The following PBRM1 variants were observed in gnomAD, a reference collection of about 807,000 sequenced individuals.
The protein encoded by PBRM1 is polybromo 1, also known as protein polybromo-1.
A neutral mutation model predicts 194.5 loss-of-function variants in PBRM1; 27 were observed. That is an observed-to-expected ratio of 0.14 (90% CI 0.10 to 0.19). PBRM1 has a LOEUF of 0.19. Among genes scored for constraint, PBRM1 ranks in the 10% least tolerant of loss-of-function variants. The pLI is 1.00. For missense variants in PBRM1, 1,466 were observed against 2,077.2 expected (o/e 0.71, Z 5.72); for synonymous variants, 655 against 693.2 (o/e 0.94, Z 0.87).
At chr3:52,549,472 T>C (rs1259154457) in intron 29 of PBRM1, among the ~76,000 whole-genome samples, 1 of 151,978 alleles carries the variant, frequency 6.6e-6, no homozygotes, top group Non-Finnish European at 1.5e-5. Context: ...ATTTACCCAA[T>C]GCATCTATAC....
At chr3:52,615,549 T>C in intron 14 of PBRM1, 93 bp from the exon 17 acceptor site, 1 of 780,338 alleles carries the variant, frequency 1.3e-6, no homozygotes, top group Non-Finnish European at 2.1e-6. Flanking sequence ...AGACAGTTTA[T>C]GATAGTTGGG....
intron 2 of PBRM1, among the ~76,000 whole-genome samples, chr3:52,678,081 A>G (rs952281532): frequency 3.9e-5 from 6 of 152,144 alleles, no homozygotes; most frequent in Non-Finnish European, 7.4e-5. Flanking sequence ...TATGTTGCCC[A>G]GGCTGGTCTC....
chr3:52,613,331 T>C (rs541343001), intron 15 of PBRM1, among the ~76,000 whole-genome samples: 4 of 147,538 alleles, frequency 2.7e-5, no homozygotes, highest in African/African-American at 1.0e-4. Flanking sequence ...TTCACTGGAC[T>C]ATTCTGTTTT....
At chr3:52,550,700 T>A in intron 28 of PBRM1, 47 bp downstream of exon 30, 1 of 1,582,518 alleles carries the variant, frequency 6.3e-7, no homozygotes, top group Non-Finnish European at 8.7e-7. Context: ...CTGAGAAGGA[T>A]AACTCGAATT....
rs554878908 is a variant in PBRM1, at chr3:52,597,119, T to C, written c.2779+6402A>G. Among the ~76,000 whole-genome samples, 5 of 152,304 alleles carry C rather than the reference T, an allele frequency of 3.3e-5. No individual in the cohort carries two copies. In the East Asian group the frequency reaches 5.8e-4, roughly 18 times the overall value. Reference sequence around the variant, plus strand: ...TGCAAATCCCTCAATCACTGTGCTCTAACTCCCGCAAGCACAAAGATTCTC... The same window carrying C: ...TGCAAATCCCTCAATCACTGTGCTCCAACTCCCGCAAGCACAAAGATTCTC... On this transcript the variant is annotated intron_variant, in intron 17 of 29. Coordinates refer to ENST00000296302, the Ensembl canonical transcript of PBRM1.
intron 5 of PBRM1, among the ~76,000 whole-genome samples, 162 bp downstream of exon 6, chr3:52,658,037 C>T (rs1346306694): frequency 6.6e-6 from 1 of 152,038 alleles, no homozygotes; most frequent in African/African-American, 2.4e-5. Flanking sequence ...AGATGATCCA[C>T]CTGCCTCGGC....
chr3:52,662,245 T>G (rs2153928215), exon 4 of PBRM1: 1 of 1,613,692 alleles, frequency 6.2e-7, no homozygotes, highest in East Asian at 2.2e-5. Context: ...ATCCCAGAGT[T>G]TGCAAGCGGC....
At chr3:52,600,040 T>C (rs1255449662) in intron 17 of PBRM1, among the ~76,000 whole-genome samples, 3 of 152,184 alleles carry the variant, frequency 2.0e-5, no homozygotes, top group Admixed American at 1.3e-4. Context: ...TTCATTGATA[T>C]ATAATATAAA....
chr3:52,553,889 T>C (rs1224243595), intron 27 of PBRM1, among the ~76,000 whole-genome samples: 1 of 152,116 alleles, frequency 6.6e-6, no homozygotes, highest in East Asian at 1.9e-4. Flanking sequence ...CTCGAACTCC[T>C]GACCTCAAGT....
At chr3:52,578,066 C>T (rs2090146397) in intron 21 of PBRM1, among the ~76,000 whole-genome samples, 2 of 152,128 alleles carry the variant, frequency 1.3e-5, no homozygotes, top group Non-Finnish European at 2.9e-5. Context: ...CTGGCTGTTC[C>T]CACTGCCTGG....
Position 52,642,075 on chromosome 3 carries a change from G to A in PBRM1, c.996-30C>T, listed in dbSNP as rs748370819. 5.4e-6 allele frequency: 6 copies of A among 1,106,996 alleles called. No individual in the cohort carries two copies. The African/African-American group carries it at 6.2e-5, about 11-fold the overall frequency. 68.6% of individuals were successfully genotyped at this position (1,106,996 alleles called of 1,614,324 possible). ...AAAAAAAAAAAAAGCAATTAGACAG[G>A]GAAGGATGTTATAATAATTAGGTTA... On this transcript the variant is annotated intron_variant, in intron 9 of 29. Coordinates refer to ENST00000296302, the Ensembl canonical transcript of PBRM1.
intron 20 of PBRM1, among the ~76,000 whole-genome samples, chr3:52,583,526 A>G (rs961688439): frequency 4.6e-5 from 7 of 152,128 alleles, no homozygotes; most frequent in Admixed American, 4.6e-4. Flanking sequence ...TATTATACAA[A>G]CTATTAGGTT....
chr3:52,591,331 G>A (rs2093011681), intron 17 of PBRM1, among the ~76,000 whole-genome samples: 1 of 152,062 alleles, frequency 6.6e-6, no homozygotes, highest in Admixed American at 6.6e-5. Flanking sequence ...CTTGTCTTGT[G>A]TCAGTTTTCA....
intron 6 of PBRM1, among the ~76,000 whole-genome samples, chr3:52,651,194 T>C (rs2096483255): frequency 6.6e-6 from 1 of 152,224 alleles, no homozygotes; most frequent in African/African-American, 2.4e-5. Flanking sequence ...CAAGTCTATG[T>C]GAGTGTTTAG....
rs962014865 is a variant in PBRM1, at chr3:52,609,304, A to T, written c.2567+9T>A. 1 of 1,601,478 alleles carries T rather than the reference A, an allele frequency of 6.2e-7. No homozygotes were observed. Among genetic ancestry groups the T allele is most frequent in the South Asian group, 1.1e-5 (1 of 89,504 alleles). On this transcript the variant is annotated intron_variant, in intron 16 of 29. Transcript: ENST00000296302. This position sits in a 1 kb window ranked among gnomAD's most constrained non-coding sequence, Gnocchi z 4.1. The stretch of plus-strand genomic sequence containing the variant: ...TATCCTCAAAATAAAAATGGCTTTG[A>T]AAACATACCGATTCATCCTTCTTGC...
intron 15 of PBRM1, among the ~76,000 whole-genome samples, chr3:52,613,607 G>A (rs79812755): frequency 1.3e-5 from 2 of 151,896 alleles, no homozygotes; most frequent in Admixed American, 6.6e-5. Context: ...GCCTCCGAAC[G>A]CACTGGAATT....
At chr3:52,672,295 A>G (rs1447759646) in intron 2 of PBRM1, among the ~76,000 whole-genome samples, 2 of 152,122 alleles carry the variant, frequency 1.3e-5, no homozygotes, top group African/African-American at 4.8e-5. Context: ...CTGGACCCAC[A>G]TGGATAATCC....
chr3:52,609,726 G>A lies in PBRM1; in HGVS notation c.2154C>T (p.Tyr718=), dbSNP rs2094517365. The change falls in exon 16 of 30, where the codon TAC becomes TAT. Residue 718 remains tyrosine, a synonymous_variant. Transcript: ENST00000296302. The surrounding 1 kb of genome is among the most constrained non-coding windows in gnomAD (Gnocchi z 4.1). ...CCTCAACCATAGAGTCAATATCTTG[G>A]TACTTGTTGGCCATCATGTGACTTC... is the stretch of plus-strand genomic sequence containing the variant. The A allele has an allele frequency of 1.9e-6, 3 of 1,610,810 alleles. No homozygotes were observed. The highest frequency in any genetic ancestry group is 2.5e-6 in the Non-Finnish European group (3 of 1,178,786).
intron 1 of PBRM1, chr3:52,684,938 A>G (rs1183671765): frequency 6.6e-6 from 1 of 152,240 alleles, no homozygotes; most frequent in African/African-American, 2.4e-5. Context: ...AGCAAAAATT[A>G]TGCTACTCTT....
Sources: allele counts gnomAD v4.1 joint callset (sites outside exome capture counted in the v4.1 genomes callset), GRCh38; gene constraint gnomAD v4.1.1; non-coding constraint Gnocchi (gnomAD v3.1); transcripts MANE v1.5; gene names NCBI Gene and HGNC (gene_info 2026-07-23, HGNC 2026-07-21).